The following MED24 variants were observed in gnomAD, a reference collection of about 807,000 sequenced individuals.
MED24 encodes the protein mediator complex subunit 24, also known as mediator of RNA polymerase II transcription subunit 24.
A neutral mutation model predicts 118.8 loss-of-function variants in MED24; 74 were observed. The observed-to-expected ratio is 0.62, with a 90% CI of 0.52 to 0.76. MED24 has a LOEUF of 0.76. Among genes scored for constraint, MED24 ranks in the 30% least tolerant of loss-of-function variants. The pLI is 0.00. For missense variants in MED24, 1,041 were observed against 1,278.9 expected (o/e 0.81, Z 2.84); for synonymous variants, 521 against 523.9 (o/e 0.99, Z 0.08).
Position 40,033,323 on chromosome 17 carries a change from C to T in MED24, c.671+22G>A. 1.2e-6 allele frequency: 2 copies of T among 1,612,512 alleles called. No homozygotes were observed. The highest frequency in any genetic ancestry group is 1.7e-6 in the Non-Finnish European group (2 of 1,179,318). On this transcript the variant is annotated intron_variant, in intron 7 of 25. Transcript: ENST00000394128. This position sits in a 1 kb window ranked among gnomAD's most constrained non-coding sequence, Gnocchi z 5.2. The stretch of plus-strand genomic sequence containing the variant: ...GCGTGTCCTCCCTCTCCCTTCTCCA[C>T]CATCCCCCAGGGAGCCGGTACCTCC...
rs776181925 is a variant in MED24 at position 40,035,249 on chromosome 17, G to A, written c.427C>T (p.Arg143Trp). ...GGAGTGCCGGCCTCCAGCCCCTCCC[G>A]CAGCCGCTCTGCAGAGGCTGCCGTG... The part of the protein sequence containing the change: ...RCTAASAERL[R>W]EGLEAGTPAA... Residue 143 changes from arginine to tryptophan, a missense_variant, in exon 6 of 26, where the codon CGG (arginine) becomes TGG (tryptophan). Physicochemically the swap from Arg to Trp is moderately radical, Grantham distance 101. Coordinates refer to ENST00000394128, the MANE Select transcript of MED24 (RefSeq NM_014815.4). 7 of 1,613,620 alleles carry A rather than the reference G, an allele frequency of 4.3e-6. No individual in the cohort carries two copies. The highest frequency in any genetic ancestry group is 5.9e-6 in the Non-Finnish European group (7 of 1,179,996).
intron 13 of MED24, among the ~76,000 whole-genome samples, chr17:40,029,529 G>T (rs1002742468): frequency 2.6e-5 from 4 of 152,324 alleles, no homozygotes; most frequent in Admixed American, 6.5e-5. Flanking sequence ...TGGCCTAAGT[G>T]AAAGCGCCTA....
At chr17:40,032,019 C>A in intron 10 of MED24, 24 bp downstream of exon 10, 1 of 1,611,696 alleles carries the variant, frequency 6.2e-7, no homozygotes, top group Non-Finnish European at 8.5e-7. Context: ...TGCTCCCATG[C>A]CTCCATCTCA....
intron 24 of MED24, 110 bp from the exon 25 acceptor site, chr17:40,020,043 G>GTGTTTCTT: frequency 7.3e-7 from 1 of 1,370,438 alleles, no homozygotes; most frequent in Non-Finnish European, 1.0e-6. Context: ...TGCTGAGCAT[G>GTGTTTCTT]TCCCCAAAAT....
Position 40,020,318 on chromosome 17 carries a change from G to A in MED24, c.2659C>T (p.Gln887Ter). The A allele has an allele frequency of 6.3e-7, 1 of 1,594,686 alleles. No homozygotes were observed. Among genetic ancestry groups the A allele is most frequent in the Non-Finnish European group, 8.5e-7 (1 of 1,170,682 alleles). The change falls in exon 24 of 26, where the codon CAG (glutamine) becomes TAG (stop). Residue 887 changes from glutamine to a stop codon, truncating the protein, a stop_gained. Transcript: ENST00000394128. LOFTEE classifies it high-confidence loss of function. Reference protein sequence around the residue: ...RSMSSSLSASQLHTVNMRDPL... With the variant: ...RSMSSSLSAS ...TCCCGCATGTTGACCGTGTGGAGCTGAGAGGCTGAGAGGGAGCTGCTCATG... is the reference window on the plus strand; with the variant it reads ...TCCCGCATGTTGACCGTGTGGAGCTAAGAGGCTGAGAGGGAGCTGCTCATG...
At chr17:40,027,301 G>T in intron 16 of MED24, 82 bp downstream of exon 16, 1 of 1,445,432 alleles carries the variant, frequency 6.9e-7, no homozygotes, top group South Asian at 1.3e-5. Context: ...GAGAGGCTGC[G>T]GGGGCGCAGG....
chr17:40,022,808 G>C lies in MED24; in HGVS notation c.2269C>G (p.Arg757Gly), dbSNP rs748727353. ...ACTGCCCGCAGCGTGTGCTCCTTCC[G>C]CGTCTCCTTCAGCAGCTCCTAGTGC... Reference protein sequence around the residue: ...NLIKELLKETRKEHTLRAVEL... With the variant: ...NLIKELLKETGKEHTLRAVEL... The change falls in exon 21 of 26, where the codon CGG (arginine) becomes GGG (glycine). Residue 757 changes from arginine (R) to glycine (G), a missense_variant. Coordinates refer to ENST00000394128, the MANE Select transcript of MED24 (RefSeq NM_014815.4). The C allele has an allele frequency of 1.8e-4, 298 of 1,613,300 alleles. No individual in the cohort carries two copies. The highest frequency in any genetic ancestry group is 2.4e-4 in the Non-Finnish European group (278 of 1,179,962).
rs754944146 is a variant in MED24 at position 40,038,044 on chromosome 17, A to G, written c.214-1890T>C. On this transcript the variant is annotated intron_variant, in intron 3 of 25. Coordinates refer to ENST00000394128, the MANE Select transcript of MED24 (RefSeq NM_014815.4). The stretch of plus-strand genomic sequence containing the variant: ...CGGAACCATGATATACTCGTATACA[A>G]TGAGAATCTCTAAGAAGACTGACGA... Among the ~76,000 whole-genome samples the G allele has an allele frequency of 2.2e-4, 33 of 152,204 alleles. 1 individual carries two copies. The highest frequency in any genetic ancestry group is 1.0e-4 in the Non-Finnish European group (7 of 68,030).
intron 3 of MED24, among the ~76,000 whole-genome samples, chr17:40,046,021 C>T (rs1001279511): frequency 6.6e-6 from 1 of 151,684 alleles, no homozygotes; most frequent in Non-Finnish European, 1.5e-5. Context: ...TCATGATCCA[C>T]CCGCCTCGGC....
Sources: allele counts gnomAD v4.1 joint callset (sites outside exome capture counted in the v4.1 genomes callset), GRCh38; gene constraint gnomAD v4.1.1; non-coding constraint Gnocchi (gnomAD v3.1); transcripts MANE v1.5; gene names NCBI Gene and HGNC (gene_info 2026-07-23, HGNC 2026-07-21).